The following F13A1 variants were observed in gnomAD, a reference collection of about 807,000 sequenced individuals.
F13A1 encodes the protein coagulation factor XIII A chain.
Under a neutral mutation model 80.1 loss-of-function variants are expected in F13A1, and 47 were observed. The observed-to-expected ratio is 0.59, with a 90% CI of 0.46 to 0.75. The LOEUF (loss-of-function observed/expected upper bound fraction) is 0.75, where lower values mean the gene tolerates loss of function less well. Ranked by LOEUF, F13A1 falls within the 30% of genes least tolerant of loss-of-function variation. The pLI is 0.00. For missense variants in F13A1, 817 were observed against 930.4 expected, an observed-to-expected ratio of 0.88 and a Z score of 1.59; for synonymous variants, 349 against 344.9, an observed-to-expected ratio of 1.01 and a Z score of -0.13.
chr6:6,293,837 G>A (rs562887335), intron 3 of F13A1, among the ~76,000 whole-genome samples: 2 of 147,340 alleles, frequency 1.4e-5, no homozygotes, highest in East Asian at 4.1e-4. Context: ...GAAGGAAATT[G>A]GTTAGAAGGC....
rs149021835 is a variant in F13A1, at chr6:6,155,549, C to T, written c.1909-3600G>A. On this transcript the variant is annotated intron_variant, in intron 13 of 14. Coordinates refer to ENST00000264870, the MANE Select transcript of F13A1 (RefSeq NM_000129.4). Reference sequence around the variant, plus strand: ...AGTGTCCCTTTTCTGACACTTGTCTCCTGCACCGAGAATGTAAACTTCCTG... The same window carrying T: ...AGTGTCCCTTTTCTGACACTTGTCTTCTGCACCGAGAATGTAAACTTCCTG... Among the ~76,000 whole-genome samples, 3 of 152,164 alleles carry T rather than the reference C, an allele frequency of 2.0e-5. No individual in the cohort carries two copies. The East Asian group carries it at 5.8e-4, about 29-fold the overall frequency.
At chr6:6,168,526 G>C (rs1162940152) in intron 12 of F13A1, among the ~76,000 whole-genome samples, 2 of 152,206 alleles carry the variant, frequency 1.3e-5, no homozygotes, top group Non-Finnish European at 1.5e-5. Flanking sequence ...TGTATGTGCC[G>C]ACAGCTGGCA....
intron 10 of F13A1, among the ~76,000 whole-genome samples, chr6:6,183,962 G>A (rs1336051663): frequency 6.6e-6 from 1 of 152,176 alleles, no homozygotes; most frequent in Non-Finnish European, 1.5e-5. Flanking sequence ...AAATATAATA[G>A]TCATCATTAG....
At chr6:6,286,557 G>A (rs1368666559) in intron 3 of F13A1, among the ~76,000 whole-genome samples, 2 of 152,164 alleles carry the variant, frequency 1.3e-5, no homozygotes, top group Admixed American at 6.5e-5. Flanking sequence ...TGCCTTATGA[G>A]GAGGCAAGAA....
chr6:6,305,281 G>T, intron 3 of F13A1, 70 bp downstream of exon 3: 3 of 1,539,974 alleles, frequency 1.9e-6, no homozygotes, highest in Non-Finnish European at 2.7e-6. Flanking sequence ...TCACACAACT[G>T]TGCCTGTACC....
intron 6 of F13A1, among the ~76,000 whole-genome samples, chr6:6,230,217 C>T (rs1397084870): frequency 6.6e-6 from 1 of 152,026 alleles, no homozygotes; most frequent in Non-Finnish European, 1.5e-5. Context: ...GCCATCTTGC[C>T]CTCTGCCTGG....
chr6:6,253,142 C>CAAA lies in F13A1; in HGVS notation c.572-2216_572-2214dup, dbSNP rs397886568. ...TGGGCAACAGAGCTAGAATCTGTCCCAAAAAAAAAAAAAAAAAAAAAGAGA... is the reference window on the plus strand; with the variant it reads ...TGGGCAACAGAGCTAGAATCTGTCCCAAAAAAAAAAAAAAAAAAAAAAAAGAGA... On this transcript the variant is annotated intron_variant, in intron 4 of 14. Transcript: ENST00000264870. 5.2e-3 allele frequency among the ~76,000 whole-genome samples: 385 copies of CAAA among 73,710 alleles called. 3 individuals are homozygous for CAAA. Among genetic ancestry groups the CAAA allele is most frequent in the East Asian group, 0.028 (55 of 1,950 alleles). The allele number at this position is 73,710 out of a possible 152,430, so 48.4% of individuals were successfully genotyped here.
chr6:6,151,524 A>G (rs967669392), intron 14 of F13A1, among the ~76,000 whole-genome samples: 2 of 151,898 alleles, frequency 1.3e-5, no homozygotes, highest in African/African-American at 4.8e-5. Flanking sequence ...AAACTGTGTA[A>G]CTGAACCTGT....
chr6:6,259,368 T>C (rs1000553080), intron 4 of F13A1, among the ~76,000 whole-genome samples: 26 of 152,188 alleles, frequency 1.7e-4, no homozygotes, highest in African/African-American at 6.0e-4. Flanking sequence ...ATGAATTTAA[T>C]GATAAAATAC....
At chr6:6,198,580 C>T (rs1761333286) in intron 8 of F13A1, among the ~76,000 whole-genome samples, 1 of 152,166 alleles carries the variant, frequency 6.6e-6, no homozygotes, top group Non-Finnish European at 1.5e-5. Context: ...ATATTAATTT[C>T]ACTATGTACC....
At chr6:6,173,546 T>C (rs957770742) in intron 12 of F13A1, among the ~76,000 whole-genome samples, 10 of 152,044 alleles carry the variant, frequency 6.6e-5, no homozygotes, top group Non-Finnish European at 4.4e-5. Context: ...TAGCTGAGAC[T>C]ACAGGTGCCT....
intron 3 of F13A1, among the ~76,000 whole-genome samples, chr6:6,282,673 T>C (rs938716568): frequency 2.6e-5 from 4 of 152,200 alleles, no homozygotes; most frequent in African/African-American, 9.7e-5. Context: ...AAAATAGTCC[T>C]TGGTGGTTCA....
chr6:6,221,938 A>G (rs1757201045), intron 8 of F13A1, 95 bp downstream of exon 8: 2 of 1,449,628 alleles, frequency 1.4e-6, no homozygotes, highest in Non-Finnish European at 1.9e-6. Flanking sequence ...GGTCCTCAAA[A>G]TAGAACAGAA....
chr6:6,145,840 A>T (rs1583041243), intron 14 of F13A1, 68 bp from the exon 15 acceptor site: 2 of 1,606,672 alleles, frequency 1.2e-6, no homozygotes, highest in East Asian at 4.5e-5. Flanking sequence ...GAAGCAATGA[A>T]AACTCTTGCC....
chr6:6,199,358 C>T (rs534271864), intron 8 of F13A1, among the ~76,000 whole-genome samples: 47 of 151,988 alleles, frequency 3.1e-4, no homozygotes, highest in Non-Finnish European at 6.5e-4. Context: ...GGCGTGGTGG[C>T]GGGCACCTGT....
chr6:6,239,413 A>G (rs889407737), intron 6 of F13A1, among the ~76,000 whole-genome samples: 5 of 152,176 alleles, frequency 3.3e-5, no homozygotes. Context: ...ATCAAAAGTC[A>G]TTGAATTGTG....
At chr6:6,199,033 G>C (rs1183600252) in intron 8 of F13A1, among the ~76,000 whole-genome samples, 1 of 152,230 alleles carries the variant, frequency 6.6e-6, no homozygotes, top group Non-Finnish European at 1.5e-5. Flanking sequence ...GCTGTGTGTT[G>C]TGGCTGGAGC....
At chr6:6,187,232 G>C (rs1395384467) in intron 10 of F13A1, among the ~76,000 whole-genome samples, 1 of 120,688 alleles carries the variant, frequency 8.3e-6, no homozygotes, top group Non-Finnish European at 1.7e-5. Flanking sequence ...CTGCCTAATT[G>C]CCCTGGCCAG....
chr6:6,293,590 C>G (rs1339701047), intron 3 of F13A1, among the ~76,000 whole-genome samples: 1 of 151,864 alleles, frequency 6.6e-6, no homozygotes, highest in African/African-American at 2.4e-5. Flanking sequence ...CACAAAGAAC[C>G]CCTGCAGCAC....
Sources: gnomAD v4.1 joint callset for allele counts (sites outside exome capture counted in the v4.1 genomes callset) on GRCh38, gnomAD v4.1.1 for gene constraint, MANE v1.5 for transcripts, NCBI Gene and HGNC (gene_info 2026-07-23, HGNC 2026-07-21) for gene names.